The following AHCYL2 variants were observed in gnomAD, a reference collection of about 807,000 sequenced individuals.
AHCYL2 encodes S-adenosylhomocysteine hydrolase-like protein 2.
AHCYL2 carries 28 observed loss-of-function variants against 81.4 expected under a neutral mutation model. The observed-to-expected ratio is 0.34, with a 90% confidence interval of 0.25 to 0.47. The LOEUF (loss-of-function observed/expected upper bound fraction) is 0.47. Ranked by LOEUF, AHCYL2 falls within the 20% of genes least tolerant of loss-of-function variation. The pLI, the probability that AHCYL2 is intolerant of heterozygous loss-of-function variation, is 1.00. For missense variants in AHCYL2, 551 were observed against 785.1 expected (o/e 0.70, Z 3.56); for synonymous variants, 272 against 290.2 (o/e 0.94, Z 0.64).
chr7:129,234,063 C>T (rs1794546949), intron 1 of AHCYL2, among the ~76,000 whole-genome samples: 1 of 150,136 alleles, frequency 6.7e-6, no homozygotes, highest in Non-Finnish European at 1.5e-5. Flanking sequence ...ATTCATTTTT[C>T]TTCAAGAGAT....
intron 1 of AHCYL2, among the ~76,000 whole-genome samples, chr7:129,363,583 G>T (rs1399923816): frequency 1.3e-5 from 2 of 152,090 alleles, no homozygotes; most frequent in African/African-American, 4.8e-5. Flanking sequence ...ATTTGAGATG[G>T]AGTCTCACTG....
intron 1 of AHCYL2, 149 bp from the exon 2 acceptor site, chr7:129,379,489 T>C (rs1794848937): frequency 1.6e-6 from 1 of 607,214 alleles, no homozygotes; most frequent in East Asian, 2.9e-5. Context: ...AAAAGTATTC[T>C]TATCTTCAAA....
chr7:129,306,971 G>A (rs1213035836), intron 1 of AHCYL2, among the ~76,000 whole-genome samples: 1 of 152,108 alleles, frequency 6.6e-6, no homozygotes, highest in Non-Finnish European at 1.5e-5. Context: ...CTGTCTCTGT[G>A]CTGAACTGCC....
intron 1 of AHCYL2, among the ~76,000 whole-genome samples, chr7:129,268,880 GA>G (rs1246033434): frequency 1.3e-5 from 2 of 152,050 alleles, no homozygotes; most frequent in African/African-American, 4.8e-5. Context: ...TTCAGTGAGT[GA>G]TTTTTTTTCA....
At chr7:129,230,548 G>A (rs561490346) in intron 1 of AHCYL2, among the ~76,000 whole-genome samples, 142 of 151,720 alleles carry the variant, frequency 9.4e-4, no homozygotes, top group Middle Eastern at 6.8e-3. Context: ...TACTCTGTTC[G>A]AAACTCAGGA....
intron 1 of AHCYL2, among the ~76,000 whole-genome samples, chr7:129,263,492 T>G (rs967387786): frequency 2.0e-5 from 3 of 152,240 alleles, no homozygotes; most frequent in Non-Finnish European, 4.4e-5. Flanking sequence ...AAATTTTATT[T>G]CTTTGCTTTC....
chr7:129,258,716 A>G (rs1795516448), intron 1 of AHCYL2, among the ~76,000 whole-genome samples: 1 of 152,150 alleles, frequency 6.6e-6, no homozygotes, highest in South Asian at 2.1e-4. Context: ...GCTAGAACAA[A>G]ATCCTTTTGT....
Position 129,409,676 on chromosome 7 carries a change from C to A in AHCYL2, c.1366+130C>A, listed in dbSNP as rs1563242744. 2.7e-5 allele frequency: 19 copies of A among 698,282 alleles called. 1 individual carries two copies. In the South Asian group the frequency reaches 3.8e-4, roughly 14 times the overall value. 43.3% of individuals were successfully genotyped at this position (698,282 alleles called of 1,614,324 possible). A position where few individuals can be genotyped will look rare whatever the true frequency, so the allele number is the denominator to read the frequency against. Reference sequence around the variant, plus strand: ...GAGAGATAGTAGCCCACAAAGCCAGCCAGTCTTTCACATTCTTCCTAATTC... The same window carrying A: ...GAGAGATAGTAGCCCACAAAGCCAGACAGTCTTTCACATTCTTCCTAATTC... On this transcript the variant is annotated intron_variant, in intron 11 of 16. Transcript: ENST00000325006.
intron 1 of AHCYL2, among the ~76,000 whole-genome samples, chr7:129,298,367 A>C (rs1250877056): frequency 2.6e-5 from 4 of 152,214 alleles, no homozygotes; most frequent in Non-Finnish European, 5.9e-5. Context: ...AAATATTTCA[A>C]GGTAAGGATA....
intron 1 of AHCYL2, among the ~76,000 whole-genome samples, chr7:129,371,756 T>G (rs1794419937): frequency 6.6e-6 from 1 of 152,268 alleles, no homozygotes; most frequent in Non-Finnish European, 1.5e-5. Flanking sequence ...CAGCTCTCTG[T>G]ACTTTTCCAT....
chr7:129,351,839 T>C (rs1448197904), intron 1 of AHCYL2, among the ~76,000 whole-genome samples: 1 of 152,214 alleles, frequency 6.6e-6, no homozygotes, highest in Non-Finnish European at 1.5e-5. Flanking sequence ...ATAATAATAC[T>C]AAGGTGTTTG....
In AHCYL2 at chr7:129,225,114, A is replaced by G. The variant is rs764396764; in HGVS notation, c.38A>G (p.Lys13Arg). The change falls in exon 1 of 17, where the codon AAG becomes AGG. Residue 13 changes from lysine to arginine, a missense_variant. By Grantham distance (26) the Lys-to-Arg change is conservative. This residue lies in a region of AHCYL2 where 235 missense variants were observed against 242.1 expected (regional missense o/e 0.97). Transcript: ENST00000325006. The part of the protein sequence containing the change: ...VQVVSAAAAA[K>R]VPEVELKDLS... ...GTTGTGTCAGCCGCGGCTGCCGCCA[A>G]GGTGCCTGAGGTGGAGCTGAAGGAC... 1.2e-6 allele frequency: 2 copies of G among 1,601,256 alleles called. No homozygotes were observed. Among genetic ancestry groups the G allele is most frequent in the South Asian group, 2.2e-5 (2 of 88,988 alleles).
chr7:129,368,455 TC>T lies in AHCYL2; in HGVS notation c.364-11180del. 6.2e-7 allele frequency: 1 copy of T among 1,613,910 alleles called. No individual in the cohort carries two copies. The highest frequency in any genetic ancestry group is 8.5e-7 in the Non-Finnish European group (1 of 1,179,822). ...AACCCCAGTATTTCCAAACCAGCTT[TC>T]CCTTTTGCTTCAGGACATATCTTAC... On this transcript the variant is annotated intron_variant, in intron 1 of 16. Transcript: ENST00000325006. This position sits in a 1 kb window ranked among gnomAD's most constrained non-coding sequence, Gnocchi z 4.4.
intron 1 of AHCYL2, among the ~76,000 whole-genome samples, chr7:129,334,902 T>C (rs1584795017): frequency 6.6e-6 from 1 of 152,210 alleles, no homozygotes; most frequent in Non-Finnish European, 1.5e-5. Flanking sequence ...GAAGAAACAC[T>C]ACATTGAGAA....
chr7:129,315,699 A>G (rs1324800435), intron 1 of AHCYL2, among the ~76,000 whole-genome samples: 1 of 152,198 alleles, frequency 6.6e-6, no homozygotes, highest in Non-Finnish European at 1.5e-5. Context: ...GTAAAAGTTG[A>G]TTGAACCAAA....
At chr7:129,243,190 T>C (rs1040859686) in intron 1 of AHCYL2, among the ~76,000 whole-genome samples, 2 of 151,258 alleles carry the variant, frequency 1.3e-5, no homozygotes, top group Admixed American at 1.3e-4. Context: ...CCAGCTAATT[T>C]TTTTTTGTAT....
intron 1 of AHCYL2, among the ~76,000 whole-genome samples, chr7:129,250,718 C>G (rs1338863502): frequency 6.6e-6 from 1 of 151,408 alleles, no homozygotes; most frequent in Non-Finnish European, 1.5e-5. Context: ...TTAGTTTTGG[C>G]TGACTAAGGG....
intron 1 of AHCYL2, among the ~76,000 whole-genome samples, chr7:129,299,394 T>G (rs1268553495): frequency 1.4e-4 from 13 of 90,728 alleles, no homozygotes; most frequent in African/African-American, 5.2e-4. Context: ...TTTTTTTTTT[T>G]TTTTTTTTTT....
Position 129,405,219 on chromosome 7 carries a change from G to A in AHCYL2, c.1142+6G>A. On this transcript the variant is annotated splice_donor_region_variant and intron_variant, in intron 8 of 16. Coordinates refer to ENST00000325006, the MANE Select transcript of AHCYL2 (RefSeq NM_015328.4). ...CGTGAATCAATTCTTGATGGGTAAT[G>A]TTTATTATCTTTGAGATGAAGTTGT... 6.3e-7 allele frequency: 1 copy of A among 1,581,272 alleles called. No homozygotes were observed. Among genetic ancestry groups the A allele is most frequent in the Non-Finnish European group, 8.6e-7 (1 of 1,162,012 alleles).
Sources: gnomAD v4.1 joint callset for allele counts (sites outside exome capture counted in the v4.1 genomes callset) on GRCh38, gnomAD v4.1.1 for gene constraint, gnomAD v4.1.1 regional missense constraint, Gnocchi (gnomAD v3.1) non-coding constraint, MANE v1.5 for transcripts, NCBI Gene and HGNC (gene_info 2026-07-23, HGNC 2026-07-21) for gene names.